The following DEFB119 variants were observed in gnomAD, a reference collection of about 807,000 sequenced individuals.
DEFB119 encodes defensin beta 119, also known as beta-defensin 119.
A neutral mutation model predicts 2.5 loss-of-function variants in DEFB119; 3 were observed. The ratio of observed to expected loss-of-function variants is 1.19; its 90% CI spans 0.54 to 3.07. The LOEUF (loss-of-function observed/expected upper bound fraction) is 3.07. Ranked by LOEUF, DEFB119 falls within the 30% of genes most tolerant of loss-of-function variation. DEFB119 has a pLI of 0.03. For missense variants in DEFB119, 113 were observed against 101.1 expected, an observed-to-expected ratio of 1.12 and a Z score of -0.50; for synonymous variants, 29 against 33.7, an observed-to-expected ratio of 0.86 and a Z score of 0.48.
At chr20:31,388,846 C>A in intron 1 of DEFB119, 1 of 1,126,158 alleles carries the variant, frequency 8.9e-7, no homozygotes, top group Non-Finnish European at 1.2e-6. Context: ...CTGTAATGAT[C>A]ACACCATCGC....
chr20:31,389,937 C>G (rs917541980), intron 1 of DEFB119, among the ~76,000 whole-genome samples: 1 of 152,066 alleles, frequency 6.6e-6, no homozygotes, highest in African/African-American at 2.4e-5. Context: ...CCAGCCTCAG[C>G]CCAAGCCCCA....
intron 1 of DEFB119, 101 bp downstream of exon 1, chr20:31,390,322 G>A (rs1192668674): frequency 6.3e-6 from 7 of 1,110,298 alleles, no homozygotes; most frequent in Admixed American, 6.0e-5. Context: ...GAAGCTGCAG[G>A]AGAGAAGGAA....
At chr20:31,383,772 G>T (rs1414532900) in intron 1 of DEFB119, among the ~76,000 whole-genome samples, 1 of 151,854 alleles carries the variant, frequency 6.6e-6, no homozygotes, top group Non-Finnish European at 1.5e-5. Context: ...GAACCCGGGA[G>T]GCGGAGCTTG....
chr20:31,380,726 T>G (rs1396750112), intron 1 of DEFB119, among the ~76,000 whole-genome samples: 2 of 152,168 alleles, frequency 1.3e-5, no homozygotes, highest in African/African-American at 4.8e-5. Flanking sequence ...CAAAAATCAG[T>G]TGGCTGTACT....
chr20:31,380,539 T>C (rs966808874), intron 1 of DEFB119, among the ~76,000 whole-genome samples: 32 of 152,210 alleles, frequency 2.1e-4, no homozygotes, highest in African/African-American at 7.7e-4. Flanking sequence ...TCACTGGGAT[T>C]ACAGGTGTGA....
At chr20:31,386,810 C>CTTTTTTTTTTTTTTTTTTT (rs148428945) in intron 1 of DEFB119, among the ~76,000 whole-genome samples, 17 of 108,904 alleles carry the variant, frequency 1.6e-4, no homozygotes, top group African/African-American at 2.4e-4. Context: ...TTTTCTTTTT[C>CTTTTTTTTTTTTTTTTTTT]TTTTTTTTTT....
intron 1 of DEFB119, among the ~76,000 whole-genome samples, chr20:31,386,831 T>TTTC (rs1428681275): frequency 1.4e-5 from 2 of 147,186 alleles, no homozygotes; most frequent in African/African-American, 5.0e-5. Context: ...TTTTTTTTTT[T>TTTC]GAGACGGAGT....
Position 31,377,263 on chromosome 20 carries a change from A to G in DEFB119, c.238T>C (p.Trp80Arg). 6.2e-7 allele frequency: 1 copy of G among 1,613,018 alleles called. No homozygotes were observed. Among genetic ancestry groups the G allele is most frequent in the Non-Finnish European group, 8.5e-7 (1 of 1,179,552 alleles). ...ACCAGCACTCAAGGTAGTCTTGGCC[A>G]CTGCTTCTCATAAGACCAGTCGGTA... ...ENTDWSYEKQWPRLP is the reference protein window; with the variant it reads ...ENTDWSYEKQRPRLP Residue 80 changes from tryptophan (W) to arginine (R), a missense_variant, in exon 2 of 2, where the codon TGG (tryptophan) becomes CGG (arginine). Transcript: ENST00000376321.
chr20:31,379,376 C>T (rs1462382123), intron 1 of DEFB119, among the ~76,000 whole-genome samples: 1 of 152,158 alleles, frequency 6.6e-6, no homozygotes, highest in Non-Finnish European at 1.5e-5. Context: ...ATATGCATTT[C>T]CCTAATGGCT....
In DEFB119 at chr20:31,388,916, C is replaced by T. The variant is rs151051085; in HGVS notation, c.61+1507G>A. Reference sequence around the variant, plus strand: ...TCTTCACCTCCCCCTGCCATCCCCCCACCCTCAATCCATTTGAAGTATCAT... The same window carrying T: ...TCTTCACCTCCCCCTGCCATCCCCCTACCCTCAATCCATTTGAAGTATCAT... On this transcript the variant is annotated intron_variant, in intron 1 of 1. Coordinates refer to ENST00000376321, the MANE Select transcript of DEFB119 (RefSeq NM_153289.4). 608 of 1,516,348 alleles carry T rather than the reference C, an allele frequency of 4.0e-4. 3 individuals are homozygous for T. In the African/African-American group the frequency reaches 7.1e-3, roughly 18 times the overall value. 93.9% of individuals were successfully genotyped at this position (1,516,348 alleles called of 1,614,324 possible). A position where few individuals can be genotyped will look rare whatever the true frequency, so the allele number is the denominator to read the frequency against.
chr20:31,386,278 G>T (rs115093819), intron 1 of DEFB119, among the ~76,000 whole-genome samples: 1 of 152,130 alleles, frequency 6.6e-6, no homozygotes, highest in Non-Finnish European at 1.5e-5. Context: ...ACCATTTTTG[G>T]TGTTCTCACC....
intron 1 of DEFB119, among the ~76,000 whole-genome samples, chr20:31,382,908 C>G (rs1042941393): frequency 2.0e-5 from 3 of 152,146 alleles, no homozygotes; most frequent in African/African-American, 7.2e-5. Context: ...TAACATAATA[C>G]GTGTCATAAC....
At position 31,386,246 on chromosome 20, in the gene DEFB119, G is replaced by A. The variant is rs528158051; in HGVS notation, c.61+4177C>T. Among the ~76,000 whole-genome samples the A allele has an allele frequency of 2.6e-5, 4 of 152,236 alleles. No homozygotes were observed. In the Middle Eastern group the frequency reaches 0.01, roughly 388 times the overall value. ...TAGAGATTAATGCAGAGAAAACCTG[G>A]GGGCAGGGAGACCAGTGAGGAACCA... is the stretch of plus-strand genomic sequence containing the variant. On this transcript the variant is annotated intron_variant, in intron 1 of 1. Coordinates refer to ENST00000376321, the MANE Select transcript of DEFB119 (RefSeq NM_153289.4).
At chr20:31,385,414 A>T (rs1182135328) in intron 1 of DEFB119, among the ~76,000 whole-genome samples, 3 of 150,324 alleles carry the variant, frequency 2.0e-5, no homozygotes, top group African/African-American at 7.3e-5. Flanking sequence ...TCCCTGCTCT[A>T]TCTTAATACT....
intron 1 of DEFB119, among the ~76,000 whole-genome samples, chr20:31,383,991 G>A (rs1249738137): frequency 6.6e-6 from 1 of 152,150 alleles, no homozygotes; most frequent in Non-Finnish European, 1.5e-5. Flanking sequence ...AGACCTCCCA[G>A]CCATGGGAAA....
intron 1 of DEFB119, among the ~76,000 whole-genome samples, chr20:31,387,336 C>T (rs1172960361): frequency 6.6e-6 from 1 of 152,130 alleles, no homozygotes; most frequent in African/African-American, 2.4e-5. Context: ...GGATCCAATA[C>T]CAGGCACAAC....
chr20:31,386,810 C>CTTTTTTTTTTTTTTTTTTTTTT (rs148428945), intron 1 of DEFB119, among the ~76,000 whole-genome samples: 1 of 108,904 alleles, frequency 9.2e-6, no homozygotes, highest in African/African-American at 4.0e-5. Context: ...TTTTCTTTTT[C>CTTTTTTTTTTTTTTTTTTTTTT]TTTTTTTTTT....
At chr20:31,381,406 G>A (rs1986500667) in intron 1 of DEFB119, among the ~76,000 whole-genome samples, 1 of 152,174 alleles carries the variant, frequency 6.6e-6, no homozygotes, top group African/African-American at 2.4e-5. Context: ...ATTCCTTCCT[G>A]TCTAATCTGC....
At chr20:31,384,285 A>G (rs1159563879) in intron 1 of DEFB119, among the ~76,000 whole-genome samples, 1 of 152,224 alleles carries the variant, frequency 6.6e-6, no homozygotes, top group African/African-American at 2.4e-5. Context: ...CTAAAAGAGT[A>G]TAATTGGATT....
Sources: allele counts gnomAD v4.1 joint callset (sites outside exome capture counted in the v4.1 genomes callset), GRCh38; gene constraint gnomAD v4.1.1; transcripts MANE v1.5; gene names NCBI Gene and HGNC (gene_info 2026-07-23, HGNC 2026-07-21).